KAZN: variants seen among roughly 807,000 people sequenced by gnomAD.
KAZN encodes kazrin, periplakin interacting protein, also known as kazrin.
Under a neutral mutation model 87.4 loss-of-function variants are expected in KAZN, and 40 were observed. The observed-to-expected ratio is 0.46, with a 90% confidence interval of 0.36 to 0.60. The LOEUF is 0.60. KAZN is among the 20% of genes least tolerant of loss of function. The pLI is 0.00. For synonymous variants in KAZN, 466 were observed against 458.3 expected (o/e 1.02, Z -0.22); for missense variants, 898 against 1,073.9 (o/e 0.84, Z 2.29).
intron 1 of KAZN, among the ~76,000 whole-genome samples, chr1:14,886,217 T>A (rs755886275): frequency 6.6e-6 from 1 of 151,398 alleles, no homozygotes; most frequent in Non-Finnish European, 1.5e-5. Context: ...AGGCCAGGAG[T>A]TCGGGACCGG....
At position 14,928,960 on chromosome 1, in the gene KAZN, G is replaced by C. The variant is rs1659487285; in HGVS notation, c.227-31724G>C. Among the ~76,000 whole-genome samples the C allele has an allele frequency of 2.6e-5, 4 of 152,224 alleles. No homozygotes were observed. The South Asian group carries it at 8.3e-4, about 32-fold the overall frequency. ...GGTGGCACGCCATAGTGGGTACAGG[G>C]CACCAGTTTTGGAATCAAACACACA... On this transcript the variant is annotated intron_variant, in intron 1 of 14. Transcript: ENST00000376030.
chr1:14,143,136 A>G (rs59129790), intron 1 of KAZN, among the ~76,000 whole-genome samples: 60 of 152,296 alleles, frequency 3.9e-4, no homozygotes, highest in African/African-American at 1.2e-3. Flanking sequence ...GCCAGGAAAC[A>G]TTGCTTGGAA....
At chr1:14,013,089 A>G (rs888166976) in intron 1 of KAZN, among the ~76,000 whole-genome samples, 1 of 152,108 alleles carries the variant, frequency 6.6e-6, no homozygotes, top group African/African-American at 2.4e-5. Flanking sequence ...GACAACATTC[A>G]TCTGTGCACC....
rs374050501 is a variant in KAZN at position 14,431,067 on chromosome 1, T to C, written c.250-167916T>C. ...ATTATAAGTGTGCAATAAATGCTTA[T>C]TGAGTAATTGAATGAATACATTAAT... On this transcript the variant is annotated intron_variant, in intron 2 of 16. Transcript: ENST00000636203. 3.2e-4 allele frequency among the ~76,000 whole-genome samples: 49 copies of C among 152,330 alleles called. No homozygotes were observed. In the South Asian group the frequency reaches 1.0e-2, roughly 31 times the overall value.
intron 1 of KAZN, among the ~76,000 whole-genome samples, chr1:14,902,182 G>A (rs1020740971): frequency 6.6e-6 from 1 of 152,034 alleles, no homozygotes; most frequent in Admixed American, 6.6e-5. Context: ...TGCTTTGATG[G>A]ACATAAATTT....
intron 2 of KAZN, among the ~76,000 whole-genome samples, chr1:14,235,394 C>T (rs557865090): frequency 2.6e-5 from 4 of 152,146 alleles, no homozygotes; most frequent in East Asian, 1.9e-4. Flanking sequence ...TTCATTTATG[C>T]GAATGGTCTA....
At chr1:14,581,613 A>AG (rs1675551712) in intron 2 of KAZN, among the ~76,000 whole-genome samples, 1 of 152,094 alleles carries the variant, frequency 6.6e-6, no homozygotes, top group Non-Finnish European at 1.5e-5. Context: ...ATAAGAGCCA[A>AG]AGTCCCTACA....
intron 1 of KAZN, among the ~76,000 whole-genome samples, chr1:14,140,595 CCAAT>C (rs1290648000): frequency 6.6e-6 from 1 of 151,912 alleles, no homozygotes; most frequent in Non-Finnish European, 1.5e-5. Context: ...GAAAAAGAGC[CCAAT>C]CATTCTTTTT....
chr1:14,388,181 G>A (rs60546658), intron 2 of KAZN, among the ~76,000 whole-genome samples: 6,046 of 152,158 alleles, frequency 0.04, 267 homozygotes, highest in East Asian at 0.18. Context: ...GCTGGCACAC[G>A]GTGCGAGCAC....
chr1:14,260,486 G>A (rs988188883), intron 2 of KAZN, among the ~76,000 whole-genome samples: 12 of 152,182 alleles, frequency 7.9e-5, no homozygotes, highest in African/African-American at 2.7e-4. Context: ...GGAGCAGGGT[G>A]AGCCCATGGG....
intron 2 of KAZN, among the ~76,000 whole-genome samples, chr1:14,540,271 C>T (rs1333502444): frequency 6.6e-6 from 1 of 152,160 alleles, no homozygotes; most frequent in Non-Finnish European, 1.5e-5. Context: ...CCAGAGTGGT[C>T]ACTTAAATGT....
chr1:14,661,741 C>T (rs1008891175), intron 1 of KAZN, among the ~76,000 whole-genome samples: 2 of 151,918 alleles, frequency 1.3e-5, no homozygotes, highest in East Asian at 3.9e-4. Context: ...ATGGCAAAAC[C>T]CCCGTCTCTA....
At chr1:14,426,180 T>G (rs908996936) in intron 2 of KAZN, among the ~76,000 whole-genome samples, 13 of 152,304 alleles carry the variant, frequency 8.5e-5, no homozygotes, top group African/African-American at 2.2e-4. Context: ...TTTTGCATCT[T>G]CTGTTATCTC....
intron 2 of KAZN, among the ~76,000 whole-genome samples, chr1:14,516,414 G>A (rs1671302097): frequency 6.6e-6 from 1 of 152,158 alleles, no homozygotes; most frequent in South Asian, 2.1e-4. Flanking sequence ...AGAGGAACAA[G>A]ACCTAGGCCT....
chr1:14,964,316 G>A (rs1396600480), intron 2 of KAZN, among the ~76,000 whole-genome samples: 1 of 149,362 alleles, frequency 6.7e-6, no homozygotes, highest in African/African-American at 2.5e-5. Flanking sequence ...TGTGAAGATT[G>A]AGGTGTAAAG....
chr1:14,301,212 A>G (rs1654527400), intron 2 of KAZN, among the ~76,000 whole-genome samples: 1 of 152,158 alleles, frequency 6.6e-6, no homozygotes, highest in South Asian at 2.1e-4. Context: ...AGCCAAGAAG[A>G]CACTCCTTGG....
chr1:13,914,032 C>T (rs1179430851), intron 1 of KAZN, among the ~76,000 whole-genome samples: 3 of 152,206 alleles, frequency 2.0e-5, no homozygotes, highest in African/African-American at 2.4e-5. Flanking sequence ...CGAGTTTCAG[C>T]GCATTCTGGC....
At chr1:14,330,172 G>A (rs979554196) in intron 2 of KAZN, among the ~76,000 whole-genome samples, 2 of 152,168 alleles carry the variant, frequency 1.3e-5, no homozygotes, top group Non-Finnish European at 2.9e-5. Flanking sequence ...GAACCCAACT[G>A]CAGAACTGGA....
chr1:14,461,246 C>T (rs1264885780), intron 2 of KAZN, among the ~76,000 whole-genome samples: 2 of 152,056 alleles, frequency 1.3e-5, no homozygotes, highest in Non-Finnish European at 2.9e-5. Flanking sequence ...GGCTGTATCC[C>T]CACCCAAATC....
Sources: allele counts gnomAD v4.1 joint callset (sites outside exome capture counted in the v4.1 genomes callset), GRCh38; gene constraint gnomAD v4.1.1; transcripts MANE v1.5; gene names NCBI Gene and HGNC (gene_info 2026-07-23, HGNC 2026-07-21).